The following RALGAPB variants were observed in gnomAD, a reference collection of about 807,000 sequenced individuals.
RALGAPB encodes the protein ral GTPase-activating protein subunit beta.
RALGAPB carries 25 observed loss-of-function variants against 161.1 expected under a neutral mutation model. That is an observed-to-expected ratio of 0.16 (90% CI 0.11 to 0.22). RALGAPB has a LOEUF of 0.22. Among genes scored for constraint, RALGAPB ranks in the 10% least tolerant of loss-of-function variants. The probability of loss-of-function intolerance (pLI) is 1.00; values close to 1 mark genes in which losing one functional copy is unlikely to be tolerated. For synonymous variants in RALGAPB, 629 were observed against 626.1 expected, an observed-to-expected ratio of 1.00 and a Z score of -0.07; for missense variants, 1,391 against 1,815.2, an observed-to-expected ratio of 0.77 and a Z score of 4.25.
rs753686112 is a variant in RALGAPB at position 38,488,660 on chromosome 20, AT to A, written c.186+45del. 3.2e-6 allele frequency: 5 copies of A among 1,545,978 alleles called. No homozygotes were observed. In the Admixed American group the frequency reaches 9.3e-5, roughly 29 times the overall value. On this transcript the variant is annotated intron_variant, in intron 2 of 29. Transcript: ENST00000262879. ...TTCATTCTCTTATATGAAAATGTAC[AT>A]TTGTTCTTGAAGAATTTGTTTAATG...
intron 21 of RALGAPB, among the ~76,000 whole-genome samples, 157 bp from the exon 22 acceptor site, chr20:38,553,710 C>T (rs943809228): frequency 3.8e-5 from 5 of 131,248 alleles, no homozygotes; most frequent in South Asian, 2.4e-4. Context: ...ACTTTGGGAG[C>T]CTAAGGCAGG....
At chr20:38,541,872 A>G (rs1273441669) in intron 18 of RALGAPB, among the ~76,000 whole-genome samples, 1 of 152,150 alleles carries the variant, frequency 6.6e-6, no homozygotes, top group Non-Finnish European at 1.5e-5. Flanking sequence ...CTCTGGGAGG[A>G]TGGGTCAAGT....
intron 19 of RALGAPB, chr20:38,546,721 C>A (rs1482674086): frequency 8.8e-6 from 3 of 340,260 alleles, no homozygotes; most frequent in East Asian, 6.1e-5. Context: ...ACTTTTTCTT[C>A]CCCCTTGAAC....
rs1235133541 is a variant in RALGAPB at position 38,493,144 on chromosome 20, CT to C, written c.389+13del. The C allele has an allele frequency of 6.4e-6, 10 of 1,567,116 alleles. No individual in the cohort carries two copies. In the East Asian group the frequency reaches 2.2e-4, roughly 35 times the overall value. On this transcript the variant is annotated intron_variant, in intron 3 of 29. Transcript: ENST00000262879. Reference sequence around the variant, plus strand: ...CTTTTTGTACCAAGGTAAGCTATACCTGTCTATCTGGCCCATTATCAGGGTC... The same window carrying C: ...CTTTTTGTACCAAGGTAAGCTATACCGTCTATCTGGCCCATTATCAGGGTC...
chr20:38,534,969 C>CA, intron 15 of RALGAPB, 105 bp from the exon 16 acceptor site: 1 of 1,386,838 alleles, frequency 7.2e-7, no homozygotes, highest in Non-Finnish European at 1.0e-6. Context: ...CCGTCGTTCT[C>CA]ACTGTGGCTG....
intron 4 of RALGAPB, among the ~76,000 whole-genome samples, chr20:38,498,941 A>G (rs914300021): frequency 2.0e-5 from 3 of 152,314 alleles, no homozygotes; most frequent in Middle Eastern, 6.8e-3. Flanking sequence ...TGATTCCTTC[A>G]CTTACTGGCT....
intron 5 of RALGAPB, among the ~76,000 whole-genome samples, chr20:38,504,437 A>G (rs555363128): frequency 6.6e-6 from 1 of 152,354 alleles, no homozygotes; most frequent in South Asian, 2.1e-4. Context: ...TTAACTCAAG[A>G]TGGATTAAAG....
At chr20:38,537,237 G>C (rs2086833405) in intron 16 of RALGAPB, among the ~76,000 whole-genome samples, 1 of 152,138 alleles carries the variant, frequency 6.6e-6, no homozygotes, top group Non-Finnish European at 1.5e-5. Context: ...TAATTCAAAG[G>C]AGAAAGGGTG....
rs146906566 is a variant in RALGAPB, at chr20:38,516,276, G to C, written c.957G>C (p.Pro319=). ...QEQFLNVSGM[P]QELNQYPCLK... ...AGTTCTTGAATGTGAGCGGAATGCC[G>C]CAAGAATTGAATCAGTATCCCTGCC... Residue 319 remains proline, a synonymous_variant, in exon 7 of 30, where the codon CCG becomes CCC. Coordinates refer to ENST00000262879, the MANE Select transcript of RALGAPB (RefSeq NM_020336.4). 2 of 1,613,464 alleles carry C rather than the reference G, an allele frequency of 1.2e-6. No individual in the cohort carries two copies. Among genetic ancestry groups the C allele is most frequent in the South Asian group, 2.2e-5 (2 of 90,958 alleles).
intron 29 of RALGAPB, among the ~76,000 whole-genome samples, chr20:38,574,507 T>C (rs1053776116): frequency 1.3e-5 from 2 of 152,224 alleles, no homozygotes; most frequent in African/African-American, 2.4e-5. Flanking sequence ...CACTAACTTC[T>C]AGTATTAAAA....
intron 21 of RALGAPB, among the ~76,000 whole-genome samples, chr20:38,552,701 G>A (rs926393211): frequency 6.6e-5 from 10 of 152,134 alleles, no homozygotes; most frequent in Admixed American, 2.6e-4. Flanking sequence ...AGAAGTTTAT[G>A]AAAATTTTAA....
chr20:38,553,964 G>T lies in RALGAPB; in HGVS notation c.3260G>T (p.Arg1087Ile), dbSNP rs772436944. 6.2e-7 allele frequency: 1 copy of T among 1,612,940 alleles called. No individual in the cohort carries two copies. Among genetic ancestry groups the T allele is most frequent in the East Asian group, 2.2e-5 (1 of 44,876 alleles). Residue 1087 changes from arginine (R) to isoleucine (I), a missense_variant, in exon 22 of 30, where the codon AGA becomes ATA. Transcript: ENST00000262879. ...EQQSEEELQK[R>I]SFPDPVTDCK... ...CAGAGTGAGGAGGAATTGCAGAAGA[G>T]AAGTTTTCCTGACCCAGTTACGGAT... is the stretch of plus-strand genomic sequence containing the variant.
At position 38,539,874 on chromosome 20, in the gene RALGAPB, C is replaced by T; in HGVS notation, c.2478C>T (p.Ser826=). 1 of 1,614,090 alleles carries T rather than the reference C, an allele frequency of 6.2e-7. No individual in the cohort carries two copies. ...GTAGTCGGCCAGCTCCTTTACACTC[C>T]AGGGATCTGCACTCCATGATAGTGG... ...YQCSRPAPLH[S]RDLHSMIVAA... is the part of the protein sequence containing the mutation. The change falls in exon 17 of 30, where the codon TCC becomes TCT. Residue 826 remains serine (S), a synonymous_variant. Transcript: ENST00000262879.
chr20:38,499,321 AT>A, intron 4 of RALGAPB, 125 bp from the exon 5 acceptor site: 1 of 899,398 alleles, frequency 1.1e-6, no homozygotes, highest in South Asian at 1.8e-5. Flanking sequence ...TTAAATGATT[AT>A]TTGAAAGTCA....
rs756380075 is a variant in RALGAPB at position 38,521,521 on chromosome 20, A to T, written c.1442A>T (p.Glu481Val). 10 of 1,613,958 alleles carry T rather than the reference A, an allele frequency of 6.2e-6. No individual in the cohort carries two copies. The Admixed American group carries it at 1.0e-4, about 16-fold the overall frequency. The change falls in exon 10 of 30, where the codon GAG becomes GTG. Residue 481 changes from glutamate to valine, a missense_variant. Physicochemically the swap from Glu to Val is moderately radical, Grantham distance 121. Coordinates refer to ENST00000262879, the MANE Select transcript of RALGAPB (RefSeq NM_020336.4). ...MTAITTQASM[E>V]FRRKGSQMST... ...GCCATTACAACACAAGCTAGCATGGAGTTTCGACGGAAAGGGTCACAAATG... is the reference window on the plus strand; with the variant it reads ...GCCATTACAACACAAGCTAGCATGGTGTTTCGACGGAAAGGGTCACAAATG...
At chr20:38,546,483 A>G in intron 19 of RALGAPB, 53 bp downstream of exon 19, 1 of 1,599,746 alleles carries the variant, frequency 6.3e-7, no homozygotes, top group East Asian at 2.2e-5. Flanking sequence ...TGTTACCAGT[A>G]CCATGAAGCT....
chr20:38,504,164 A>G (rs190270044), intron 5 of RALGAPB, among the ~76,000 whole-genome samples: 1 of 152,344 alleles, frequency 6.6e-6, no homozygotes, highest in Non-Finnish European at 1.5e-5. Context: ...GAGGCTTCAC[A>G]TTACCCACCT....
chr20:38,553,834 G>A, intron 21 of RALGAPB, 33 bp from the exon 22 acceptor site: 7 of 783,336 alleles, frequency 8.9e-6, no homozygotes, highest in South Asian at 1.4e-5. Context: ...TTTGATAATA[G>A]TTTCAAAAAA....
intron 27 of RALGAPB, among the ~76,000 whole-genome samples, chr20:38,570,234 A>G (rs531884796): frequency 6.6e-6 from 1 of 152,278 alleles, no homozygotes; most frequent in East Asian, 1.9e-4. Flanking sequence ...CAGTAGATAC[A>G]AAGCTTTTGG....
Sources: gnomAD v4.1 joint callset for allele counts (sites outside exome capture counted in the v4.1 genomes callset) on GRCh38, gnomAD v4.1.1 for gene constraint, MANE v1.5 for transcripts, NCBI Gene and HGNC (gene_info 2026-07-23, HGNC 2026-07-21) for gene names.